RNF34: variants seen among roughly 807,000 people sequenced by gnomAD.
The protein encoded by RNF34 is E3 ubiquitin-protein ligase RNF34.
RNF34 carries 12 observed loss-of-function variants against 37.9 expected under a neutral mutation model. The observed-to-expected ratio is 0.32, with a 90% CI of 0.20 to 0.51. The LOEUF (loss-of-function observed/expected upper bound fraction) is 0.51. Ranked by LOEUF, RNF34 falls within the 20% of genes least tolerant of loss-of-function variation. The pLI, the probability that RNF34 is intolerant of heterozygous loss-of-function variation, is 0.97. For synonymous variants in RNF34, 155 were observed against 177.2 expected, an observed-to-expected ratio of 0.87 and a Z score of 1.00; for missense variants, 362 against 472.7, an observed-to-expected ratio of 0.77 and a Z score of 2.17.
chr12:121,406,528 C>G (rs1870553815), intron 1 of RNF34, among the ~76,000 whole-genome samples: 1 of 152,140 alleles, frequency 6.6e-6, no homozygotes, highest in African/African-American at 2.4e-5. Context: ...CTCAAGCAAT[C>G]CGCCCACTTC....
intron 1 of RNF34, among the ~76,000 whole-genome samples, chr12:121,403,121 G>A (rs868986788): frequency 6.6e-6 from 1 of 152,170 alleles, no homozygotes; most frequent in African/African-American, 2.4e-5. Flanking sequence ...AAGAGGCCGG[G>A]CGCGGTGGCT....
In RNF34 at chr12:121,400,128, C is replaced by A; in HGVS notation, c.-85C>A. ...CTCCCGGGGCGCGGTAATCACCGCC[C>A]AGAGGGAAGGAGGTCGGCAGTGTGA... On this transcript the variant is annotated 5_prime_UTR_variant, in exon 1 of 6. Coordinates refer to ENST00000361234, the MANE Select transcript of RNF34 (RefSeq NM_025126.4). 1 of 1,509,436 alleles carries A rather than the reference C, an allele frequency of 6.6e-7. No homozygotes were observed. The highest frequency in any genetic ancestry group is 2.4e-5 in the East Asian group (1 of 40,834). The allele number at this position is 1,509,436 out of a possible 1,614,324, so 93.5% of individuals were successfully genotyped here. A position where few individuals can be genotyped will look rare whatever the true frequency, so the allele number is the denominator to read the frequency against.
rs1555282321 is a variant in RNF34, at chr12:121,417,453, C to G, written c.226-51C>G. The G allele has an allele frequency of 6.7e-7, 1 of 1,492,488 alleles. No homozygotes were observed. The highest frequency in any genetic ancestry group is 1.4e-5 in the African/African-American group (1 of 71,026). The allele number at this position is 1,492,488 out of a possible 1,614,324, so 92.5% of individuals were successfully genotyped here. Reference sequence around the variant, plus strand: ...GTAGAAGGCAGAAAGAAAACTCATGCTTTCATAATGGTTTATATCTTGCTG... The same window carrying G: ...GTAGAAGGCAGAAAGAAAACTCATGGTTTCATAATGGTTTATATCTTGCTG... On this transcript the variant is annotated intron_variant, in intron 2 of 5. Coordinates refer to ENST00000361234, the MANE Select transcript of RNF34 (RefSeq NM_025126.4). The surrounding 1 kb of genome is among the most constrained non-coding windows in gnomAD (Gnocchi z 5.0).
chr12:121,422,628 C>G (rs1170869966), intron 5 of RNF34, among the ~76,000 whole-genome samples: 1 of 152,246 alleles, frequency 6.6e-6, no homozygotes, highest in Non-Finnish European at 1.5e-5. Flanking sequence ...AATTCCTGTT[C>G]TGTTCCAACT....
intron 1 of RNF34, among the ~76,000 whole-genome samples, chr12:121,414,094 G>C (rs1666115703): frequency 6.6e-6 from 1 of 152,158 alleles, no homozygotes; most frequent in Non-Finnish European, 1.5e-5. Flanking sequence ...TGCATTTTAA[G>C]GTTGAGGGCT....
chr12:121,415,207 G>A (rs1871445180), intron 1 of RNF34: 2 of 217,862 alleles, frequency 9.2e-6, no homozygotes, highest in African/African-American at 2.3e-5. Context: ...AAAAAATCTA[G>A]AGAGAGTTTC....
chr12:121,421,851 CATT>C (rs1257184529), intron 5 of RNF34, among the ~76,000 whole-genome samples: 3 of 152,172 alleles, frequency 2.0e-5, no homozygotes, highest in African/African-American at 2.4e-5. Context: ...GCCCTCCCAT[CATT>C]AACTTTTATC....
At chr12:121,405,100 C>G (rs1555280504) in intron 1 of RNF34, 2 of 152,204 alleles carry the variant, frequency 1.3e-5, no homozygotes, top group East Asian at 1.9e-4. Flanking sequence ...CCTACTCTTA[C>G]GCAGATTATT....
At chr12:121,400,655 A>C (rs1469191312) in intron 1 of RNF34, among the ~76,000 whole-genome samples, 1 of 152,122 alleles carries the variant, frequency 6.6e-6, no homozygotes, top group East Asian at 1.9e-4. Flanking sequence ...GGAGGGGTGC[A>C]GGGGGTGGTG....
At chr12:121,413,430 G>A (rs1369702780) in intron 1 of RNF34, among the ~76,000 whole-genome samples, 1 of 72,646 alleles carries the variant, frequency 1.4e-5, no homozygotes, top group South Asian at 5.4e-4. Flanking sequence ...TTTTTTTTTT[G>A]AGACGGAGTT....
intron 1 of RNF34, among the ~76,000 whole-genome samples, chr12:121,412,228 ATCTTTTTTT>A (rs1871138091): frequency 8.0e-6 from 1 of 124,950 alleles, no homozygotes; most frequent in African/African-American, 3.4e-5. Flanking sequence ...TGCCCAACTA[ATCTTTTTTT>A]TTTTTTTTTT....
In RNF34 at chr12:121,417,638, G is replaced by T; in HGVS notation, c.360G>T (p.Val120=). 1 of 1,614,218 alleles carries T rather than the reference G, an allele frequency of 6.2e-7. No homozygotes were observed. Among genetic ancestry groups the T allele is most frequent in the Non-Finnish European group, 8.5e-7 (1 of 1,180,038 alleles). ...FQRPQLMRLK[V]KDLRQYLILR... ...GCCCTCAGTTAATGCGACTGAAGGT[G>T]AAGGACCTGCGGCAGTATCTCATTC... The change falls in exon 3 of 6, where the codon GTG becomes GTT. Residue 120 remains valine (V), a synonymous_variant. Transcript: ENST00000361234. The surrounding 1 kb of genome is among the most constrained non-coding windows in gnomAD (Gnocchi z 5.0).
rs147092139 is a variant in RNF34, at chr12:121,420,227, G to A, written c.634-15G>A. 1.3e-4 allele frequency: 202 copies of A among 1,607,794 alleles called. No individual in the cohort carries two copies. In the African/African-American group the frequency reaches 2.0e-3, roughly 16 times the overall value. ...ATTGATTCCTGACCTAATCAGATAC[G>A]TTGTATAAGTGTAGGTACAAAGTGA... On this transcript the variant is annotated splice_polypyrimidine_tract_variant and intron_variant, in intron 3 of 5. Transcript: ENST00000361234.
At position 121,423,264 on chromosome 12, in the gene RNF34, C is replaced by G. The variant is rs1872319338; in HGVS notation, c.929-122C>G. 1 of 657,756 alleles carries G rather than the reference C, an allele frequency of 1.5e-6. No individual in the cohort carries two copies. The highest frequency in any genetic ancestry group is 2.6e-6 in the Non-Finnish European group (1 of 384,692). The allele number at this position is 657,756 out of a possible 1,614,324, so 40.7% of individuals were successfully genotyped here. ...AGTTGGGATTATTTCTTGTACAACA[C>G]TGGGGTGGCATTGGGCCTGCAGGGG... On this transcript the variant is annotated intron_variant, in intron 5 of 5. Coordinates refer to ENST00000361234, the MANE Select transcript of RNF34 (RefSeq NM_025126.4). This position sits in a 1 kb window ranked among gnomAD's most constrained non-coding sequence, Gnocchi z 4.3.
chr12:121,417,927 T>G lies in RNF34; in HGVS notation c.633+16T>G, dbSNP rs782033115. 1.2e-6 allele frequency: 2 copies of G among 1,609,098 alleles called. No homozygotes were observed. Among genetic ancestry groups the G allele is most frequent in the South Asian group, 2.2e-5 (2 of 90,634 alleles). On this transcript the variant is annotated intron_variant, in intron 3 of 5. Coordinates refer to ENST00000361234, the MANE Select transcript of RNF34 (RefSeq NM_025126.4). This position sits in a 1 kb window ranked among gnomAD's most constrained non-coding sequence, Gnocchi z 5.0. ...GCCGGCACAGGTACGAGGGGGTAACTAATTACACCCAGGGCCCGGCACGCT... is the reference window on the plus strand; with the variant it reads ...GCCGGCACAGGTACGAGGGGGTAACGAATTACACCCAGGGCCCGGCACGCT...
At chr12:121,409,168 C>T (rs1028071831) in intron 1 of RNF34, among the ~76,000 whole-genome samples, 2 of 152,000 alleles carry the variant, frequency 1.3e-5, no homozygotes, top group Non-Finnish European at 2.9e-5. Context: ...TTAGTAGAGA[C>T]GGGGTTTTAC....
rs1280127992 is a variant in RNF34 at position 121,420,742 on chromosome 12, C to T, written c.892C>T (p.Arg298Trp). The T allele has an allele frequency of 1.3e-5, 21 of 1,613,726 alleles. No individual in the cohort carries two copies. Among genetic ancestry groups the T allele is most frequent in the East Asian group, 1.1e-4 (5 of 44,902 alleles). The change falls in exon 5 of 6, where the codon CGG becomes TGG. Residue 298 changes from arginine to tryptophan, a missense_variant. By Grantham distance (101) the Arg-to-Trp change is moderately radical (BLOSUM62 -3). Transcript: ENST00000361234. ...ATGGGAACTGGTAGAGAAAGTAAACCGGTTATACAAAGAGAATGAAGAAAA... is the reference window on the plus strand; with the variant it reads ...ATGGGAACTGGTAGAGAAAGTAAACTGGTTATACAAAGAGAATGAAGAAAA... ...EKWELVEKVN[R>W]LYKENEENQK...
chr12:121,409,954 G>A (rs1450374498), intron 1 of RNF34, among the ~76,000 whole-genome samples: 2 of 152,000 alleles, frequency 1.3e-5, no homozygotes, highest in East Asian at 1.9e-4. Flanking sequence ...TCAGGAGTTC[G>A]AGACCAGCCT....
intron 1 of RNF34, among the ~76,000 whole-genome samples, chr12:121,412,230 CTTTTTTTTTTT>C (rs560473770): frequency 1.0e-4 from 5 of 49,646 alleles, no homozygotes; most frequent in South Asian, 9.6e-4. Flanking sequence ...CCCAACTAAT[CTTTTTTTTTTT>C]TTTTTTTTTT....
Sources: gnomAD v4.1 joint callset for allele counts (sites outside exome capture counted in the v4.1 genomes callset) on GRCh38, gnomAD v4.1.1 for gene constraint, Gnocchi (gnomAD v3.1) non-coding constraint, MANE v1.5 for transcripts, NCBI Gene and HGNC (gene_info 2026-07-23, HGNC 2026-07-21) for gene names.